PTGS1: variants seen among roughly 807,000 people sequenced by gnomAD.
PTGS1 encodes the protein prostaglandin-endoperoxide synthase 1.
In PTGS1, 40 loss-of-function variants were observed where a neutral mutation model predicts 63.0. The ratio of observed to expected loss-of-function variants is 0.63; its 90% CI spans 0.49 to 0.83. PTGS1 has a LOEUF of 0.83. Ranked by LOEUF, PTGS1 falls within the 40% of genes least tolerant of loss-of-function variation. PTGS1 has a pLI of 0.00. For synonymous variants in PTGS1, 298 were observed against 301.9 expected (o/e 0.99, Z 0.13); for missense variants, 709 against 786.5 (o/e 0.90, Z 1.18).
In PTGS1 at chr9:122,375,232, T is replaced by C. The variant is rs10306130; in HGVS notation, c.95-2667T>C. The stretch of plus-strand genomic sequence containing the variant: ...GGGAGGCGGGAGGGGGGAAGCTGGA[T>C]GGGCCGGACTGGGAGGGAGGAGCCT... On this transcript the variant is annotated intron_variant, in intron 2 of 10. Transcript: ENST00000362012. 29,494 of 934,626 alleles carry C rather than the reference T, an allele frequency of 0.032. 3,608 individuals carry two copies. In the African/African-American group the frequency reaches 0.35, roughly 11 times the overall value. The allele number at this position is 934,626 out of a possible 1,614,324, so 57.9% of individuals were successfully genotyped here.
chr9:122,380,588 G>T (rs1244784044), intron 5 of PTGS1, among the ~76,000 whole-genome samples: 3 of 152,184 alleles, frequency 2.0e-5, no homozygotes, highest in Admixed American at 1.3e-4. Flanking sequence ...TTGGAACACA[G>T]CCACACACAT....
chr9:122,371,144 C>G (rs201214271), intron 1 of PTGS1, 42 bp from the exon 2 acceptor site: 2 of 1,607,364 alleles, frequency 1.2e-6, no homozygotes, highest in South Asian at 1.1e-5. Flanking sequence ...CCTGGTGGAG[C>G]CTTGAATGCC....
chr9:122,387,090 A>G (rs1837918701), intron 9 of PTGS1, among the ~76,000 whole-genome samples: 1 of 151,996 alleles, frequency 6.6e-6, no homozygotes, highest in Admixed American at 6.6e-5. Context: ...AGAGTATGTT[A>G]TAAACCATAG....
chr9:122,380,868 T>C (rs10306146), intron 5 of PTGS1, among the ~76,000 whole-genome samples: 40,541 of 152,136 alleles, frequency 0.27, 8,678 homozygotes, highest in African/African-American at 0.59. Context: ...GATGAGATGA[T>C]TTATCTGTAT....
In PTGS1 at chr9:122,388,835, C is replaced by T. The variant is rs554309814; in HGVS notation, c.1297-1363C>T. ...CACCAGTTATTGGATTGGAGCCCAC[C>T]CTAATCCAGTAGGATCTCATCTTAA... On this transcript the variant is annotated intron_variant, in intron 9 of 10. Transcript: ENST00000362012. Among the ~76,000 whole-genome samples, 3 of 152,210 alleles carry T rather than the reference C, an allele frequency of 2.0e-5. No homozygotes were observed. In the South Asian group the frequency reaches 6.2e-4, roughly 32 times the overall value.
At chr9:122,384,944 G>GTATTGCAT (rs1473173740) in intron 8 of PTGS1, among the ~76,000 whole-genome samples, 1 of 152,120 alleles carries the variant, frequency 6.6e-6, no homozygotes, top group African/African-American at 2.4e-5. Context: ...CCCTAATATA[G>GTATTGCAT]TATTGCATTG....
At position 122,381,648 on chromosome 9, in the gene PTGS1, C is replaced by A. The variant is rs371503342; in HGVS notation, c.679-16C>A. On this transcript the variant is annotated splice_polypyrimidine_tract_variant and intron_variant, in intron 6 of 10. Transcript: ENST00000362012. ...CGGCACCCTGGTGACCTGAGGGAAC[C>A]CCTCTCTGTCCACAGGTAGACCTCG... 3 of 1,613,598 alleles carry A rather than the reference C, an allele frequency of 1.9e-6. No individual in the cohort carries two copies. The African/African-American group carries it at 4.0e-5, about 22-fold the overall frequency.
chr9:122,392,262 G>A lies in PTGS1; in HGVS notation c.1518G>A (p.Leu506=). 6.2e-7 allele frequency: 1 copy of A among 1,613,454 alleles called. No individual in the cohort carries two copies. Among genetic ancestry groups the A allele is most frequent in the South Asian group, 1.1e-5 (1 of 91,072 alleles). ...DIDALEFYPG[L]LLEKCHPNSI... is the part of the protein sequence containing the mutation. ...ATGCGTTGGAGTTCTACCCTGGACTGCTTCTTGAAAAGTGCCATCCAAACT... is the reference window on the plus strand; with the variant it reads ...ATGCGTTGGAGTTCTACCCTGGACTACTTCTTGAAAAGTGCCATCCAAACT... Residue 506 remains leucine, a synonymous_variant, in exon 11 of 11, where the codon CTG becomes CTA. Coordinates refer to ENST00000362012, the MANE Select transcript of PTGS1 (RefSeq NM_000962.4).
In PTGS1 at chr9:122,392,565, T is replaced by C. The variant is rs374687130; in HGVS notation, c.*21T>C. 65 of 1,598,190 alleles carry C rather than the reference T, an allele frequency of 4.1e-5. No individual in the cohort carries two copies. The highest frequency in any genetic ancestry group is 5.5e-5 in the Non-Finnish European group (64 of 1,168,994). ...TCTGAGGGGCAGGAAAGCAGCATTC[T>C]GGAGGGGAGAGCTTTGTGCTTGTCA... On this transcript the variant is annotated 3_prime_UTR_variant, in exon 11 of 11. Coordinates refer to ENST00000362012, the MANE Select transcript of PTGS1 (RefSeq NM_000962.4).
At chr9:122,377,010 C>G (rs905325982) in intron 2 of PTGS1, among the ~76,000 whole-genome samples, 17 of 152,158 alleles carry the variant, frequency 1.1e-4, no homozygotes, top group Admixed American at 6.5e-4. Flanking sequence ...ATGCACCCTC[C>G]CAGGAGATTT....
chr9:122,375,575 T>A, intron 2 of PTGS1: 1 of 834,256 alleles, frequency 1.2e-6, no homozygotes, highest in Non-Finnish European at 1.4e-6. Context: ...GAGAAAGCCT[T>A]AAGGGAAGCG....
At chr9:122,377,002 G>C (rs1432856340) in intron 2 of PTGS1, among the ~76,000 whole-genome samples, 1 of 152,176 alleles carries the variant, frequency 6.6e-6, no homozygotes, top group Non-Finnish European at 1.5e-5. Flanking sequence ...AGAGCTCCAT[G>C]CACCCTCCCA....
At chr9:122,384,299 C>T (rs563584976) in intron 8 of PTGS1, among the ~76,000 whole-genome samples, 1 of 152,216 alleles carries the variant, frequency 6.6e-6, no homozygotes, top group African/African-American at 2.4e-5. Flanking sequence ...TGGTTTCCTG[C>T]CTGGGAGCTT....
At chr9:122,381,802 G>A in intron 7 of PTGS1, 55 bp downstream of exon 7, 2 of 1,537,040 alleles carry the variant, frequency 1.3e-6, no homozygotes, top group Non-Finnish European at 1.8e-6. Flanking sequence ...GGTCTTCCCT[G>A]GCAAAGACTG....
Position 122,386,636 on chromosome 9 carries a change from G to A in PTGS1, c.1200G>A (p.Glu400=), listed in dbSNP as rs1363830002. The A allele has an allele frequency of 1.2e-6, 2 of 1,614,100 alleles. No homozygotes were observed. The highest frequency in any genetic ancestry group is 1.7e-6 in the Non-Finnish European group (2 of 1,180,050). ...MPDSFKVGSQ[E]YSYEQFLFNT... is the part of the protein sequence containing the mutation. ...ACTCCTTCAAGGTGGGCTCCCAGGA[G>A]TACAGCTACGAGCAGTTCTTGTTCA... The change falls in exon 9 of 11, where the codon GAG becomes GAA. Residue 400 remains glutamate, a synonymous_variant. Coordinates refer to ENST00000362012, the MANE Select transcript of PTGS1 (RefSeq NM_000962.4).
chr9:122,391,246 T>C (rs1381687287), intron 10 of PTGS1, among the ~76,000 whole-genome samples: 1 of 146,744 alleles, frequency 6.8e-6, no homozygotes, highest in Non-Finnish European at 1.5e-5. Context: ...TATGAATATA[T>C]ATATGAATAG....
intron 5 of PTGS1, among the ~76,000 whole-genome samples, chr9:122,380,218 C>G (rs2119143982): frequency 6.6e-6 from 1 of 152,142 alleles, no homozygotes; most frequent in East Asian, 1.9e-4. Flanking sequence ...AATCCCAGCA[C>G]TTTGGGAGGT....
rs1206892660 is a variant in PTGS1 at position 122,394,162 on chromosome 9, C to G, written c.*1618C>G. 1 of 152,352 alleles carries G rather than the reference C, an allele frequency of 6.6e-6. No individual in the cohort carries two copies. The highest frequency in any genetic ancestry group is 2.4e-5 in the African/African-American group (1 of 41,460). The allele number at this position is 152,352 out of a possible 1,614,324, so 9.4% of individuals were successfully genotyped here. Reference sequence around the variant, plus strand: ...CCAACAGCAGTGATCTCAGGGCAGACAGCCCTCCACTCCAGCTCTGAGACC... The same window carrying G: ...CCAACAGCAGTGATCTCAGGGCAGAGAGCCCTCCACTCCAGCTCTGAGACC... On this transcript the variant is annotated 3_prime_UTR_variant, in exon 11 of 11. Transcript: ENST00000362012.
At position 122,371,246 on chromosome 9, in the gene PTGS1, T is replaced by A; in HGVS notation, c.68T>A (p.Leu23His). ...LLLLPPLPVL[L>H]ADPGAPTPVN... ...CTGCTCCCGCCGCTCCCCGTCCTGC[T>A]CGCGGACCCAGGGGCGCCCACGCCA... The change falls in exon 2 of 11, where the codon CTC (leucine) becomes CAC (histidine). Residue 23 changes from leucine (L) to histidine (H), a missense_variant. Leu to His is a moderately conservative substitution (Grantham distance 99). Transcript: ENST00000362012. 1 of 1,607,030 alleles carries A rather than the reference T, an allele frequency of 6.2e-7. No homozygotes were observed.
Sources: allele counts gnomAD v4.1 joint callset (sites outside exome capture counted in the v4.1 genomes callset), GRCh38; gene constraint gnomAD v4.1.1; transcripts MANE v1.5; gene names NCBI Gene and HGNC (gene_info 2026-07-23, HGNC 2026-07-21).